Variants in SLC16A7 observed in about 807,000 individuals in gnomAD.
SLC16A7 encodes solute carrier family 16 member 7.
Under a neutral mutation model 34.9 loss-of-function variants are expected in SLC16A7, and 33 were observed. The ratio of observed to expected loss-of-function variants is 0.94; its 90% CI spans 0.72 to 1.26. The LOEUF is 1.26. Ranked by LOEUF, SLC16A7 falls within the 50% of genes most tolerant of loss-of-function variation. The pLI, the probability that SLC16A7 is intolerant of heterozygous loss-of-function variation, is 0.00. For missense variants in SLC16A7, 573 were observed against 578.1 expected (o/e 0.99, Z 0.09); for synonymous variants, 201 against 206.6 (o/e 0.97, Z 0.23).
chr12:59,696,033 A>G (rs1443373618), intron 2 of SLC16A7, among the ~76,000 whole-genome samples: 4 of 152,024 alleles, frequency 2.6e-5, no homozygotes, highest in African/African-American at 7.2e-5. Flanking sequence ...TGGATATTTA[A>G]TTTATTTAAT....
intron 1 of SLC16A7, among the ~76,000 whole-genome samples, chr12:59,627,158 C>T (rs948962598): frequency 2.6e-5 from 4 of 151,876 alleles, no homozygotes; most frequent in South Asian, 2.1e-4. Flanking sequence ...CAATGTGCTA[C>T]GCTTTATACA....
chr12:59,778,042 C>A lies in SLC16A7; in HGVS notation c.1181-1381C>A, dbSNP rs549649902. ...GTATATGTGCCCCATTTTCTTAATC[C>A]AATCTATCATTGTTGGACATTTGGG... On this transcript the variant is annotated intron_variant, in intron 5 of 5. Transcript: ENST00000547379. Among the ~76,000 whole-genome samples, 56 of 152,046 alleles carry A rather than the reference C, an allele frequency of 3.7e-4. 3 individuals carry two copies. The highest frequency in any genetic ancestry group is 1.3e-3 in the African/African-American group (53 of 41,478).
intron 3 of SLC16A7, among the ~76,000 whole-genome samples, chr12:59,738,032 T>C (rs1445098064): frequency 6.6e-6 from 1 of 152,216 alleles, no homozygotes; most frequent in Non-Finnish European, 1.5e-5. Context: ...AGATTTATAT[T>C]AAATTATATC....
intron 1 of SLC16A7, among the ~76,000 whole-genome samples, chr12:59,633,730 G>C (rs1448154669): frequency 6.6e-6 from 1 of 152,016 alleles, no homozygotes; most frequent in Non-Finnish European, 1.5e-5. Flanking sequence ...GGAAGGTGAA[G>C]GGGAAGCAAA....
Position 59,704,857 on chromosome 12 carries a change from G to A in SLC16A7, c.56G>A (p.Gly19Asp). The A allele has an allele frequency of 1.2e-6, 2 of 1,613,908 alleles. No homozygotes were observed. Among genetic ancestry groups the A allele is most frequent in the African/African-American group, 1.3e-5 (1 of 75,046 alleles). The change falls in exon 3 of 6, where the codon GGT becomes GAT. Residue 19 changes from glycine (G) to aspartate (D), a missense_variant. By Grantham distance (94) the Gly-to-Asp change is moderately conservative. Transcript: ENST00000547379. Reference protein sequence around the residue: ...PVHPPPDGGWGWIVVGAAFIS... With the variant: ...PVHPPPDGGWDWIVVGAAFIS... ...CATCCACCTCCAGATGGAGGATGGG[G>A]TTGGATTGTGGTTGGAGCAGCTTTT...
intron 2 of SLC16A7, among the ~76,000 whole-genome samples, chr12:59,679,095 C>T (rs1870541052): frequency 6.6e-6 from 1 of 152,098 alleles, no homozygotes; most frequent in South Asian, 2.1e-4. Context: ...GAGGGGCCTT[C>T]CTAGGCCCCC....
chr12:59,725,005 G>T, intron 3 of SLC16A7, among the ~76,000 whole-genome samples: 1 of 151,836 alleles, frequency 6.6e-6, no homozygotes, highest in African/African-American at 2.4e-5. Context: ...GATACCTATT[G>T]ATATTCTTTA....
intron 3 of SLC16A7, among the ~76,000 whole-genome samples, chr12:59,713,912 C>G (rs1874558220): frequency 6.6e-6 from 1 of 152,238 alleles, no homozygotes; most frequent in South Asian, 2.1e-4. Flanking sequence ...CCAACAGACA[C>G]AGGCTATGCT....
chr12:59,731,687 A>C (rs1876968487), intron 3 of SLC16A7, among the ~76,000 whole-genome samples: 1 of 152,200 alleles, frequency 6.6e-6, no homozygotes, highest in African/African-American at 2.4e-5. Flanking sequence ...GTTATAGTGC[A>C]GCTCCTGGAT....
In SLC16A7 at chr12:59,785,144, G is replaced by A. The variant is rs927429089; in HGVS notation, c.*5465G>A. 1.3e-5 allele frequency: 2 copies of A among 152,152 alleles called. No individual in the cohort carries two copies. The highest frequency in any genetic ancestry group is 2.4e-5 in the African/African-American group (1 of 41,446). The allele number at this position is 152,152 out of a possible 1,614,324, so 9.4% of individuals were successfully genotyped here. A position where few individuals can be genotyped will look rare whatever the true frequency, so the allele number is the denominator to read the frequency against. ...CCAATTATCAGTAATTATAATGCTTGCATGATCAAAATTACAAATTATCTT... is the reference window on the plus strand; with the variant it reads ...CCAATTATCAGTAATTATAATGCTTACATGATCAAAATTACAAATTATCTT... On this transcript the variant is annotated 3_prime_UTR_variant, in exon 6 of 6. Transcript: ENST00000547379.
At chr12:59,724,013 T>C (rs572358139) in intron 3 of SLC16A7, among the ~76,000 whole-genome samples, 2 of 152,174 alleles carry the variant, frequency 1.3e-5, no homozygotes, top group African/African-American at 2.4e-5. Flanking sequence ...TTAAAAAATA[T>C]GTATAATGTC....
chr12:59,777,069 C>T (rs1882831086), intron 5 of SLC16A7, among the ~76,000 whole-genome samples: 1 of 152,128 alleles, frequency 6.6e-6, no homozygotes, highest in Admixed American at 6.6e-5. Context: ...GGGATAGACT[C>T]TAAGAATTAA....
At chr12:59,698,559 A>G (rs1011685581) in intron 2 of SLC16A7, among the ~76,000 whole-genome samples, 5 of 151,826 alleles carry the variant, frequency 3.3e-5, no homozygotes, top group Non-Finnish European at 7.4e-5. Flanking sequence ...GTTTCTGATC[A>G]TGATTGTACA....
At chr12:59,616,523 A>C (rs983430253) in intron 1 of SLC16A7, among the ~76,000 whole-genome samples, 20 of 152,154 alleles carry the variant, frequency 1.3e-4, no homozygotes, top group African/African-American at 4.8e-4. Context: ...AAATACAAAA[A>C]AGAAATATGT....
In SLC16A7 at chr12:59,776,627, T is replaced by C. The variant is rs1475524614; in HGVS notation, c.1180+1152T>C. ...TGACATCAAGGAACCATTCTGAAAG[T>C]GTGAAAAGTTATGTTTAATTTGTTA... On this transcript the variant is annotated intron_variant, in intron 5 of 5. Coordinates refer to ENST00000547379, the MANE Select transcript of SLC16A7 (RefSeq NM_001270623.2). 2.6e-5 allele frequency among the ~76,000 whole-genome samples: 4 copies of C among 152,152 alleles called. No individual in the cohort carries two copies. In the East Asian group the frequency reaches 7.7e-4, roughly 29 times the overall value.
chr12:59,754,846 C>A (rs1423586750), intron 3 of SLC16A7, among the ~76,000 whole-genome samples: 1 of 152,100 alleles, frequency 6.6e-6, no homozygotes. Flanking sequence ...AACATTGATG[C>A]AAAAATCCTC....
intron 3 of SLC16A7, among the ~76,000 whole-genome samples, chr12:59,747,840 C>T (rs921290373): frequency 6.6e-6 from 1 of 152,188 alleles, no homozygotes; most frequent in African/African-American, 2.4e-5. Context: ...CCATATATTA[C>T]TTCACTTGAT....
In SLC16A7 at chr12:59,726,840, T is replaced by A. The variant is rs568343925; in HGVS notation, c.217+21822T>A. On this transcript the variant is annotated intron_variant, in intron 3 of 5. Transcript: ENST00000547379. ...CATTATATACATAATCTGAAAAAAA[T>A]TAGGAATTGTATGGGAAACAATACT... is the stretch of plus-strand genomic sequence containing the variant. Among the ~76,000 whole-genome samples, 6 of 152,044 alleles carry A rather than the reference T, an allele frequency of 3.9e-5. No individual in the cohort carries two copies. The South Asian group carries it at 6.3e-4, about 16-fold the overall frequency.
chr12:59,738,579 T>C (rs754931111), intron 3 of SLC16A7, among the ~76,000 whole-genome samples: 1 of 152,180 alleles, frequency 6.6e-6, no homozygotes, highest in Non-Finnish European at 1.5e-5. Flanking sequence ...CATCCTACCC[T>C]TTGCTGGCAT....
Sources: allele counts gnomAD v4.1 joint callset (sites outside exome capture counted in the v4.1 genomes callset), GRCh38; gene constraint gnomAD v4.1.1; transcripts MANE v1.5; gene names NCBI Gene and HGNC (gene_info 2026-07-23, HGNC 2026-07-21).